RASGRF2: variants seen among roughly 807,000 people sequenced by gnomAD.
RASGRF2 encodes ras-specific guanine nucleotide-releasing factor 2.
RASGRF2 carries 76 observed loss-of-function variants against 151.0 expected under a neutral mutation model. The ratio of observed to expected loss-of-function variants is 0.50; its 90% CI spans 0.42 to 0.61. The LOEUF is 0.61. Ranked by LOEUF, RASGRF2 falls within the 20% of genes least tolerant of loss-of-function variation. The pLI, the probability that RASGRF2 is intolerant of heterozygous loss-of-function variation, is 0.00. For missense variants in RASGRF2, 1,148 were observed against 1,564.6 expected (o/e 0.73, Z 4.49); for synonymous variants, 504 against 566.5 (o/e 0.89, Z 1.57).
Position 81,123,770 on chromosome 5 carries a change from A to G in RASGRF2, c.2596+3A>G, listed in dbSNP as rs1234953266. On this transcript the variant is annotated splice_donor_region_variant and intron_variant, in intron 16 of 26. Coordinates refer to ENST00000265080, the MANE Select transcript of RASGRF2 (RefSeq NM_006909.3). ...CCTCCGCTATCGACAGCCTGGAGGT[A>G]AGAGCTCAAGAGGGACTCAGAAATA... 4 of 1,610,624 alleles carry G rather than the reference A, an allele frequency of 2.5e-6. No individual in the cohort carries two copies. Among genetic ancestry groups the G allele is most frequent in the Non-Finnish European group, 3.4e-6 (4 of 1,178,618 alleles).
In RASGRF2 at chr5:81,008,139, C is replaced by CTTTTTTT. The variant is rs58105434; in HGVS notation, c.289-34715_289-34709dup. On this transcript the variant is annotated intron_variant, in intron 1 of 26. Coordinates refer to ENST00000265080, the MANE Select transcript of RASGRF2 (RefSeq NM_006909.3). Reference sequence around the variant, plus strand: ...AGTTTTCTTTTTCTTTCTTTCTTTCCTTTTTTTTTTTTTTTTTTTTTTTTT... The same window carrying CTTTTTTT: ...AGTTTTCTTTTTCTTTCTTTCTTTCCTTTTTTTTTTTTTTTTTTTTTTTTTTTTTTTT... Among the ~76,000 whole-genome samples the CTTTTTTT allele has an allele frequency of 1.7e-3, 144 of 85,398 alleles. 17 individuals carry two copies. Among genetic ancestry groups the CTTTTTTT allele is most frequent in the African/African-American group, 3.2e-3 (68 of 21,500 alleles). 56.0% of individuals were successfully genotyped at this position (85,398 alleles called of 152,430 possible).
intron 18 of RASGRF2, among the ~76,000 whole-genome samples, chr5:81,186,529 G>C (rs1157730759): frequency 6.6e-6 from 1 of 152,044 alleles, no homozygotes; most frequent in Non-Finnish European, 1.5e-5. Flanking sequence ...CATTATAAGA[G>C]GGTTTTATAT....
rs115528879 is a variant in RASGRF2 at position 81,141,297 on chromosome 5, T to C, written c.2686+14134T>C. 3.8e-3 allele frequency among the ~76,000 whole-genome samples: 573 copies of C among 152,216 alleles called. 1 individual carries two copies. Among genetic ancestry groups the C allele is most frequent in the African/African-American group, 0.013 (555 of 41,518 alleles). Reference sequence around the variant, plus strand: ...TTTTACTGGGTGATTTTACAGAGAGTTGATCTCTTCTCGGGCACTGTGCTT... The same window carrying C: ...TTTTACTGGGTGATTTTACAGAGAGCTGATCTCTTCTCGGGCACTGTGCTT... On this transcript the variant is annotated intron_variant, in intron 17 of 26. Coordinates refer to ENST00000265080, the MANE Select transcript of RASGRF2 (RefSeq NM_006909.3).
intron 1 of RASGRF2, among the ~76,000 whole-genome samples, chr5:81,040,549 C>T (rs890846537): frequency 2.0e-5 from 3 of 152,176 alleles, no homozygotes; most frequent in African/African-American, 4.8e-5. Flanking sequence ...CTCTGTTACA[C>T]GGAGGTGGTA....
At chr5:81,100,186 C>T (rs1752663512) in intron 12 of RASGRF2, among the ~76,000 whole-genome samples, 1 of 152,134 alleles carries the variant, frequency 6.6e-6, no homozygotes, top group African/African-American at 2.4e-5. Context: ...GGATTACAGG[C>T]GTGAGCCACC....
At chr5:80,986,481 T>C (rs563544909) in intron 1 of RASGRF2, among the ~76,000 whole-genome samples, 1 of 152,340 alleles carries the variant, frequency 6.6e-6, no homozygotes, top group East Asian at 1.9e-4. Flanking sequence ...TACAGGTATG[T>C]AGTTAGTTTC....
chr5:81,065,670 G>A (rs1350007510), intron 2 of RASGRF2, among the ~76,000 whole-genome samples: 2 of 152,054 alleles, frequency 1.3e-5, no homozygotes, highest in African/African-American at 4.8e-5. Flanking sequence ...TGCTGCTTCC[G>A]AGCTTGGAGA....
intron 18 of RASGRF2, among the ~76,000 whole-genome samples, chr5:81,181,898 A>G (rs1017176362): frequency 1.3e-5 from 2 of 152,166 alleles, no homozygotes; most frequent in Non-Finnish European, 2.9e-5. Context: ...CAATTCACAT[A>G]TAATTTTTAC....
intron 19 of RASGRF2, chr5:81,204,020 T>C (rs1755451581): frequency 6.6e-6 from 1 of 152,238 alleles, no homozygotes; most frequent in Admixed American, 6.5e-5. Context: ...TGCTTGTGGC[T>C]CTGTTTTTGG....
intron 18 of RASGRF2, among the ~76,000 whole-genome samples, chr5:81,181,384 A>G (rs2112677332): frequency 6.6e-6 from 1 of 152,324 alleles, no homozygotes; most frequent in Admixed American, 6.5e-5. Context: ...AAGTTCTTAA[A>G]TATTAATTAA....
intron 17 of RASGRF2, among the ~76,000 whole-genome samples, chr5:81,160,018 T>G (rs1283055428): frequency 1.3e-5 from 2 of 152,206 alleles, no homozygotes; most frequent in Non-Finnish European, 2.9e-5. Context: ...CCGGGTGCAG[T>G]GGTTCACATC....
At position 81,072,477 on chromosome 5, in the gene RASGRF2, T is replaced by C. The variant is rs76334715; in HGVS notation, c.634-722T>C. 3.6e-3 allele frequency among the ~76,000 whole-genome samples: 547 copies of C among 152,328 alleles called. 3 individuals carry two copies. The highest frequency in any genetic ancestry group is 0.013 in the African/African-American group (521 of 41,578). On this transcript the variant is annotated intron_variant, in intron 4 of 26. Transcript: ENST00000265080. ...ATAGATAATAATGATACTTTGGTAG[T>C]GATTTAATACTTTCAATTATATGTG... is the stretch of plus-strand genomic sequence containing the variant.
intron 1 of RASGRF2, among the ~76,000 whole-genome samples, chr5:80,992,181 G>T (rs2406186): frequency 5.8e-5 from 1 of 17,192 alleles, no homozygotes; most frequent in East Asian, 3.4e-4. Context: ...TGCACACACA[G>T]ATACACACAC....
chr5:81,039,901 G>T (rs1367430566), intron 1 of RASGRF2, among the ~76,000 whole-genome samples: 1 of 151,936 alleles, frequency 6.6e-6, no homozygotes, highest in East Asian at 1.9e-4. Context: ...TCCGGATTTC[G>T]AGTCCTAGTT....
chr5:81,169,834 A>G (rs910835277), intron 17 of RASGRF2, among the ~76,000 whole-genome samples: 1 of 151,660 alleles, frequency 6.6e-6, no homozygotes, highest in African/African-American at 2.4e-5. Context: ...CATCACCTGC[A>G]TCACTTGCAT....
chr5:80,992,268 G>A (rs1374990293), intron 1 of RASGRF2, among the ~76,000 whole-genome samples: 1 of 81,416 alleles, frequency 1.2e-5, no homozygotes, highest in Non-Finnish European at 2.9e-5. Context: ...TCCTTGGTAG[G>A]TCCCTGCCTC....
At chr5:81,063,026 A>T (rs1751492026) in intron 2 of RASGRF2, among the ~76,000 whole-genome samples, 1 of 149,114 alleles carries the variant, frequency 6.7e-6, no homozygotes, top group African/African-American at 2.5e-5. Context: ...GTTAATGATG[A>T]AAAGTATGAC....
At chr5:81,037,135 T>A (rs1477270707) in intron 1 of RASGRF2, among the ~76,000 whole-genome samples, 1 of 152,170 alleles carries the variant, frequency 6.6e-6, no homozygotes. Flanking sequence ...ATGAGAACAG[T>A]ATGGGAGAAG....
intron 17 of RASGRF2, among the ~76,000 whole-genome samples, chr5:81,133,684 T>C (rs967918834): frequency 3.9e-5 from 6 of 152,210 alleles, no homozygotes; most frequent in African/African-American, 7.2e-5. Flanking sequence ...CCTGGTTATC[T>C]GTGAGCAGAT....
Sources: allele counts gnomAD v4.1 joint callset (sites outside exome capture counted in the v4.1 genomes callset), GRCh38; gene constraint gnomAD v4.1.1; transcripts MANE v1.5; gene names NCBI Gene and HGNC (gene_info 2026-07-23, HGNC 2026-07-21).